Variants in CNIH3 observed in about 807,000 individuals in gnomAD.
CNIH3 encodes protein cornichon homolog 3.
Under a neutral mutation model 24.1 loss-of-function variants are expected in CNIH3, and 14 were observed. That is an observed-to-expected ratio of 0.58 (90% CI 0.38 to 0.91). The LOEUF is 0.91. Ranked by LOEUF, CNIH3 falls within the 40% of genes least tolerant of loss-of-function variation. The pLI is 0.00. For missense variants in CNIH3, 178 were observed against 196.8 expected (o/e 0.90, Z 0.57); for synonymous variants, 68 against 73.8 (o/e 0.92, Z 0.40).
At chr1:224,569,300 T>C (rs567466102) in intron 4 of CNIH3, among the ~76,000 whole-genome samples, 1 of 152,362 alleles carries the variant, frequency 6.6e-6, no homozygotes, top group East Asian at 1.9e-4. Flanking sequence ...ACTTGTGTGT[T>C]TTACTCAGAC....
chr1:224,676,263 T>C (rs549127233), intron 1 of CNIH3, among the ~76,000 whole-genome samples: 1 of 152,168 alleles, frequency 6.6e-6, no homozygotes, highest in Non-Finnish European at 1.5e-5. Flanking sequence ...GCCTACATAC[T>C]GCGTGATTCC....
At chr1:224,655,732 A>G (rs1377109669) in intron 1 of CNIH3, among the ~76,000 whole-genome samples, 1 of 152,218 alleles carries the variant, frequency 6.6e-6, no homozygotes, top group Non-Finnish European at 1.5e-5. Context: ...TTGCCAGGGA[A>G]GAAGCCTTTT....
intron 1 of CNIH3, among the ~76,000 whole-genome samples, chr1:224,631,339 A>G (rs1260880297): frequency 6.6e-6 from 1 of 151,972 alleles, no homozygotes; most frequent in Non-Finnish European, 1.5e-5. Flanking sequence ...TCCCATTCAT[A>G]TTCTTTCAAG....
intron 4 of CNIH3, among the ~76,000 whole-genome samples, chr1:224,569,103 G>C (rs532406812): frequency 2.0e-5 from 3 of 152,292 alleles, no homozygotes; most frequent in South Asian, 2.1e-4. Flanking sequence ...CCCAACCTCA[G>C]GTGATCTGCC....
At position 224,704,698 on chromosome 1, in the gene CNIH3, C is replaced by T. The variant is rs1408718663; in HGVS notation, c.198+19855C>T. On this transcript the variant is annotated intron_variant, in intron 3 of 5. Coordinates refer to ENST00000272133, the MANE Select transcript of CNIH3 (RefSeq NM_152495.2). The surrounding 1 kb of genome is among the most constrained non-coding windows in gnomAD (Gnocchi z 4.2). The stretch of plus-strand genomic sequence containing the variant: ...TCCGACATAACCACAATACCATTGT[C>T]ACACCAAAGAACATGGCTATAATAT... Among the ~76,000 whole-genome samples, 1 of 152,196 alleles carries T rather than the reference C, an allele frequency of 6.6e-6. No homozygotes were observed. The highest frequency in any genetic ancestry group is 1.5e-5 in the Non-Finnish European group (1 of 68,040).
At chr1:224,573,160 T>G (rs1160427783) in intron 4 of CNIH3, among the ~76,000 whole-genome samples, 1 of 152,218 alleles carries the variant, frequency 6.6e-6, no homozygotes, top group Non-Finnish European at 1.5e-5. Context: ...TTCTCTCGAA[T>G]TTTTAGTCAG....
chr1:224,444,714 G>A (rs1675072540), intron 1 of CNIH3, among the ~76,000 whole-genome samples: 4 of 151,736 alleles, frequency 2.6e-5, no homozygotes, highest in Non-Finnish European at 5.9e-5. Context: ...GCGCGATCTC[G>A]GCTCACTGCA....
At chr1:224,648,138 G>A (rs1558251196) in intron 1 of CNIH3, among the ~76,000 whole-genome samples, 1 of 152,146 alleles carries the variant, frequency 6.6e-6, no homozygotes, top group Admixed American at 6.5e-5. Context: ...AGTGGCTCAC[G>A]CCTGTAATCC....
intron 3 of CNIH3, among the ~76,000 whole-genome samples, chr1:224,561,432 C>T (rs780154864): frequency 4.6e-5 from 7 of 152,090 alleles, no homozygotes; most frequent in African/African-American, 1.7e-4. Context: ...TTTGTCTATC[C>T]GTTTCACTTA....
At chr1:224,729,924 A>ATC (rs1312479664) in intron 3 of CNIH3, among the ~76,000 whole-genome samples, 52 of 152,088 alleles carry the variant, frequency 3.4e-4, no homozygotes, top group Non-Finnish European at 1.0e-4. Context: ...CTCTTGCTCC[A>ATC]TCCACCATCA....
At chr1:224,721,565 A>C (rs1306399121) in intron 3 of CNIH3, among the ~76,000 whole-genome samples, 2 of 152,192 alleles carry the variant, frequency 1.3e-5, no homozygotes, top group Non-Finnish European at 1.5e-5. Flanking sequence ...CAGTAATTTA[A>C]CAAGCGTGTG....
chr1:224,486,354 C>A (rs996826276), intron 1 of CNIH3, among the ~76,000 whole-genome samples: 1 of 152,024 alleles, frequency 6.6e-6, no homozygotes, highest in Admixed American at 6.5e-5. Context: ...CTCAAGCAGT[C>A]CTCCTGCCTC....
chr1:224,632,268 C>G (rs1683859577), intron 1 of CNIH3, among the ~76,000 whole-genome samples: 1 of 152,158 alleles, frequency 6.6e-6, no homozygotes, highest in Non-Finnish European at 1.5e-5. Context: ...ATGGCTACTG[C>G]AAACTGGAAG....
intron 3 of CNIH3, among the ~76,000 whole-genome samples, chr1:224,712,468 C>A (rs1688207889): frequency 6.6e-6 from 1 of 152,142 alleles, no homozygotes; most frequent in South Asian, 2.1e-4. Context: ...GCATTTGGAT[C>A]ACCTGGCAGG....
intron 3 of CNIH3, among the ~76,000 whole-genome samples, chr1:224,561,900 G>C (rs1293422498): frequency 1.3e-5 from 2 of 152,138 alleles, no homozygotes; most frequent in Non-Finnish European, 2.9e-5. Context: ...GCTAAGTTCA[G>C]GCCAAAAGAG....
At chr1:224,560,004 A>C (rs966669332) in intron 3 of CNIH3, among the ~76,000 whole-genome samples, 1 of 152,220 alleles carries the variant, frequency 6.6e-6, no homozygotes, top group African/African-American at 2.4e-5. Context: ...ACTTTATATA[A>C]TCATAGAATA....
At chr1:224,613,220 C>G (rs78590712), upstream of CNIH3, among the ~76,000 whole-genome samples, 2,214 of 152,016 alleles carry the variant, frequency 0.015, 65 homozygotes, top group African/African-American at 0.051. Context: ...AAGATGATCG[C>G]GAACTCCTGA....
intron 3 of CNIH3, among the ~76,000 whole-genome samples, chr1:224,701,555 CATCACATTA>C (rs1687491755): frequency 2.0e-5 from 3 of 152,182 alleles, no homozygotes; most frequent in African/African-American, 7.2e-5. Context: ...TTCCTAACAC[CATCACATTA>C]GGGGGTAGCG....
chr1:224,582,805 T>C (rs1681333786), intron 4 of CNIH3, among the ~76,000 whole-genome samples: 1 of 152,204 alleles, frequency 6.6e-6, no homozygotes, highest in Non-Finnish European at 1.5e-5. Context: ...GGAGCTGCCA[T>C]GTATCTAAAT....
Sources: gnomAD v4.1 joint callset for allele counts (sites outside exome capture counted in the v4.1 genomes callset) on GRCh38, gnomAD v4.1.1 for gene constraint, Gnocchi (gnomAD v3.1) non-coding constraint, MANE v1.5 for transcripts, NCBI Gene and HGNC (gene_info 2026-07-23, HGNC 2026-07-21) for gene names.